ANK2: variants seen among roughly 807,000 people sequenced by gnomAD.
ANK2 encodes ankyrin-2.
Under a neutral mutation model 360.5 loss-of-function variants are expected in ANK2, and 83 were observed. The ratio of observed to expected loss-of-function variants is 0.23; its 90% CI spans 0.19 to 0.28. The LOEUF is 0.28. Among genes scored for constraint, ANK2 ranks in the 10% least tolerant of loss-of-function variants. ANK2 has a pLI of 1.00. For missense variants in ANK2, 4,201 were observed against 4,795.7 expected (o/e 0.88, Z 3.66); for synonymous variants, 1,740 against 1,759.5 (o/e 0.99, Z 0.28).
intron 2 of ANK2, among the ~76,000 whole-genome samples, chr4:113,041,278 C>G (rs980134311): frequency 2.0e-5 from 3 of 152,120 alleles, no homozygotes; most frequent in Non-Finnish European, 4.4e-5. Flanking sequence ...TCTTCACTCC[C>G]TGCATCTCTG....
At chr4:113,236,003 G>T (rs2099375020) in intron 5 of ANK2, among the ~76,000 whole-genome samples, 1 of 151,836 alleles carries the variant, frequency 6.6e-6, no homozygotes, top group East Asian at 1.9e-4. Context: ...CTCCCAAAGT[G>T]CTGGGATTAC....
rs141317841 is a variant in ANK2, at chr4:113,178,665, T to C, written c.186+4148T>C. On this transcript the variant is annotated intron_variant, in intron 2 of 45. Transcript: ENST00000357077. ...TATTCAAGACAGTATATTAATTAAATAAAGATTAGGGAAATACAGTGACTA... is the reference window on the plus strand; with the variant it reads ...TATTCAAGACAGTATATTAATTAAACAAAGATTAGGGAAATACAGTGACTA... Among the ~76,000 whole-genome samples, 1,307 of 152,244 alleles carry C rather than the reference T, an allele frequency of 8.6e-3. 10 individuals carry two copies. Among genetic ancestry groups the C allele is most frequent in the Non-Finnish European group, 0.013 (915 of 68,012 alleles).
intron 13 of ANK2, among the ~76,000 whole-genome samples, chr4:113,259,800 A>G (rs1028226902): frequency 1.4e-5 from 2 of 144,542 alleles, no homozygotes; most frequent in African/African-American, 5.1e-5. Flanking sequence ...TGAGATGACT[A>G]CCTTTTTTTT....
intron 18 of ANK2, among the ~76,000 whole-genome samples, chr4:113,285,881 C>T (rs1020460842): frequency 1.5e-4 from 23 of 152,276 alleles, no homozygotes; most frequent in African/African-American, 3.4e-4. Context: ...AAACGCACAA[C>T]GTTATAACAA....
intron 2 of ANK2, among the ~76,000 whole-genome samples, chr4:112,989,812 G>C (rs2352223): frequency 0.28 from 42,482 of 152,016 alleles, 6,303 homozygotes; most frequent in East Asian, 0.44. Context: ...TCTAAACCAA[G>C]AAATTACAGA....
chr4:112,738,770 TA>T, the ANK2 span: 1 of 621,674 alleles, frequency 1.6e-6, no homozygotes, highest in Non-Finnish European at 3.0e-6. Context: ...AAATGAAGCG[TA>T]ACTGGTGGAA....
upstream of ANK2, among the ~76,000 whole-genome samples, chr4:112,813,975 C>T (rs760702831): frequency 2.0e-5 from 3 of 152,170 alleles, no homozygotes; most frequent in Non-Finnish European, 2.9e-5. Flanking sequence ...TGCCATTCCC[C>T]GTTAAAGCTG....
At chr4:113,101,588 A>T (rs313953) in intron 1 of ANK2, among the ~76,000 whole-genome samples, 46,640 of 152,000 alleles carry the variant, frequency 0.31, 7,727 homozygotes, top group Non-Finnish European at 0.39. Context: ...AGAAAAAGTT[A>T]CAGAGCTCAT....
At chr4:113,372,231 A>G (rs13115070) in intron 43 of ANK2, among the ~76,000 whole-genome samples, 11,504 of 152,190 alleles carry the variant, frequency 0.076, 617 homozygotes, top group Middle Eastern at 0.17. Context: ...GAGTTTAAGT[A>G]AAAGAAGTCA....
At chr4:113,165,795 C>G (rs562609533) in intron 1 of ANK2, among the ~76,000 whole-genome samples, 15 of 152,178 alleles carry the variant, frequency 9.9e-5, no homozygotes, top group African/African-American at 3.4e-4. Context: ...TGAGGCCTCT[C>G]AAAGAGTATC....
At chr4:113,097,207 T>A (rs1298003309) in intron 1 of ANK2, among the ~76,000 whole-genome samples, 1 of 151,468 alleles carries the variant, frequency 6.6e-6, no homozygotes, top group Non-Finnish European at 1.5e-5. Flanking sequence ...TTGTGCCAGA[T>A]GGTGTGCTTT....
chr4:113,142,883 C>T (rs1429206449), intron 1 of ANK2, among the ~76,000 whole-genome samples: 1 of 151,618 alleles, frequency 6.6e-6, no homozygotes, highest in Non-Finnish European at 1.5e-5. Flanking sequence ...AAAATTTACC[C>T]CAAATGGTGT....
chr4:113,223,328 C>G lies in ANK2; in HGVS notation c.385-8833C>G, dbSNP rs528564714. ...AAGAAACTTAAATCTTGACGTTGAC[C>G]TGCCTGCAAAAGATGGGGTGCTTCT... On this transcript the variant is annotated intron_variant, in intron 4 of 45. Coordinates refer to ENST00000357077, the MANE Select transcript of ANK2 (RefSeq NM_001148.6). Among the ~76,000 whole-genome samples, 9 of 152,248 alleles carry G rather than the reference C, an allele frequency of 5.9e-5. No homozygotes were observed. In the East Asian group the frequency reaches 1.7e-3, roughly 29 times the overall value.
chr4:113,216,427 T>G (rs17445340), intron 4 of ANK2, among the ~76,000 whole-genome samples: 22,076 of 152,214 alleles, frequency 0.15, 1,750 homozygotes, highest in East Asian at 0.25. Context: ...CCCTGATTCT[T>G]TACTTAGAAG....
In ANK2 at chr4:113,358,377, A is replaced by G. The variant is rs149910461; in HGVS notation, c.9759A>G (p.Gln3253=). 6.2e-7 allele frequency: 1 copy of G among 1,614,098 alleles called. No homozygotes were observed. Among genetic ancestry groups the G allele is most frequent in the Non-Finnish European group, 8.5e-7 (1 of 1,179,968 alleles). The stretch of plus-strand genomic sequence containing the variant: ...CCGACTCTTCTGAACCAGCTGTACA[A>G]GTCCAGTTAGATTTTTCCACACTCA... ...SCPDSSEPAV[Q]VQLDFSTLTR... The change falls in exon 38 of 46, where the codon CAA becomes CAG. Residue 3253 remains glutamine, a synonymous_variant. Transcript: ENST00000357077.
intron 36 of ANK2, among the ~76,000 whole-genome samples, chr4:113,348,867 C>A (rs984627974): frequency 1.9e-4 from 29 of 152,066 alleles, no homozygotes; most frequent in African/African-American, 5.8e-4. Context: ...ATACATATCA[C>A]ACACCATCGG....
intron 20 of ANK2, among the ~76,000 whole-genome samples, chr4:113,291,608 G>A (rs531690714): frequency 1.1e-4 from 17 of 152,284 alleles, no homozygotes; most frequent in African/African-American, 3.9e-4. Context: ...CAGTGACATT[G>A]GATGAAAGGG....
chr4:112,826,293 T>C, intron 1 of ANK2: 1 of 619,466 alleles, frequency 1.6e-6, no homozygotes, highest in South Asian at 2.0e-5. Flanking sequence ...TTCTATAGAG[T>C]TGTGTAGTCT....
intron 45 of ANK2, among the ~76,000 whole-genome samples, chr4:113,380,801 T>C (rs554804095): frequency 6.1e-4 from 93 of 152,196 alleles, no homozygotes; most frequent in Non-Finnish European, 9.6e-4. Flanking sequence ...AGGAAGCAGT[T>C]GTCTCTCAAT....
Sources: allele counts gnomAD v4.1 joint callset (sites outside exome capture counted in the v4.1 genomes callset), GRCh38; gene constraint gnomAD v4.1.1; transcripts MANE v1.5; gene names NCBI Gene and HGNC (gene_info 2026-07-23, HGNC 2026-07-21).